GRM3: variants seen among roughly 807,000 people sequenced by gnomAD.
GRM3 encodes the protein metabotropic glutamate receptor 3.
GRM3 carries 26 observed loss-of-function variants against 70.5 expected under a neutral mutation model. The observed-to-expected ratio is 0.37, with a 90% CI of 0.27 to 0.51. The LOEUF (loss-of-function observed/expected upper bound fraction) is 0.51, where lower values mean the gene tolerates loss of function less well. Ranked by LOEUF, GRM3 falls within the 20% of genes least tolerant of loss-of-function variation. The pLI is 0.93. For missense variants in GRM3, 859 were observed against 1,123.8 expected (o/e 0.76, Z 3.37); for synonymous variants, 443 against 434.9 (o/e 1.02, Z -0.23).
At chr7:86,647,743 G>T (rs1013598007) in intron 1 of GRM3, among the ~76,000 whole-genome samples, 7 of 152,146 alleles carry the variant, frequency 4.6e-5, no homozygotes, top group Non-Finnish European at 1.0e-4. Flanking sequence ...CACATAAAAT[G>T]AGTATCATCA....
At chr7:86,689,490 T>C (rs1462765193) in intron 1 of GRM3, among the ~76,000 whole-genome samples, 1 of 152,116 alleles carries the variant, frequency 6.6e-6, no homozygotes, top group East Asian at 1.9e-4. Flanking sequence ...TTATGTCTCT[T>C]TATTCTCAAG....
intron 1 of GRM3, among the ~76,000 whole-genome samples, chr7:86,764,691 T>C (rs539744395): frequency 5.9e-5 from 9 of 152,014 alleles, no homozygotes; most frequent in Admixed American, 2.6e-4. Flanking sequence ...GTACTGGACT[T>C]GGCTTTCAAA....
At chr7:86,850,347 T>C in intron 4 of GRM3, 23 bp from the exon 5 acceptor site, 2 of 1,593,822 alleles carry the variant, frequency 1.3e-6, no homozygotes, top group Non-Finnish European at 1.7e-6. Flanking sequence ...GCCAGACACT[T>C]ACTAGCCAAC....
intron 1 of GRM3, among the ~76,000 whole-genome samples, chr7:86,691,686 T>C (rs1411200540): frequency 6.6e-6 from 1 of 152,168 alleles, no homozygotes; most frequent in East Asian, 1.9e-4. Context: ...GGGAGTAGAT[T>C]TGTTATCACA....
intron 1 of GRM3, among the ~76,000 whole-genome samples, chr7:86,657,987 T>C (rs1793790098): frequency 6.6e-6 from 1 of 152,206 alleles, no homozygotes; most frequent in South Asian, 2.1e-4. Flanking sequence ...TTTTCATGAA[T>C]TTGGGTTACA....
chr7:86,711,126 C>A (rs774317488), intron 1 of GRM3, among the ~76,000 whole-genome samples: 1 of 151,860 alleles, frequency 6.6e-6, no homozygotes, highest in African/African-American at 2.4e-5. Context: ...AAATATATTT[C>A]TTGTAGTAGG....
At chr7:86,700,642 A>G (rs1794926597) in intron 1 of GRM3, among the ~76,000 whole-genome samples, 1 of 151,948 alleles carries the variant, frequency 6.6e-6, no homozygotes, top group Non-Finnish European at 1.5e-5. Flanking sequence ...TTATGTCCCA[A>G]TATCTTTACA....
chr7:86,721,352 A>T (rs550383595), intron 1 of GRM3, among the ~76,000 whole-genome samples: 20 of 152,186 alleles, frequency 1.3e-4, no homozygotes, highest in African/African-American at 4.3e-4. Flanking sequence ...AAAAAGCAAG[A>T]AAGTCATTCA....
rs767907216 is a variant in GRM3 at position 86,690,083 on chromosome 7, C to A, written c.-141+45211C>A. 3.2e-4 allele frequency among the ~76,000 whole-genome samples: 48 copies of A among 152,160 alleles called. 1 individual carries two copies. The highest frequency in any genetic ancestry group is 4.6e-4 in the Non-Finnish European group (31 of 67,998). ...AAATAGAAGGATAAAAAAGTTTCCA[C>A]GACAAACAATGACAGGCAAGGGGCC... is the stretch of plus-strand genomic sequence containing the variant. On this transcript the variant is annotated intron_variant, in intron 1 of 5. Transcript: ENST00000361669.
chr7:86,732,410 G>C (rs1039836577), intron 1 of GRM3, among the ~76,000 whole-genome samples: 1 of 137,578 alleles, frequency 7.3e-6, no homozygotes, highest in African/African-American at 3.1e-5. Context: ...CTGGAAAAAT[G>C]AACCTGGCTA....
intron 1 of GRM3, among the ~76,000 whole-genome samples, chr7:86,670,477 A>C (rs1197432279): frequency 6.6e-6 from 1 of 152,170 alleles, no homozygotes; most frequent in East Asian, 1.9e-4. Context: ...ATGACCTTGG[A>C]AAGCCAAAAG....
At chr7:86,762,504 T>A (rs1464985853) in intron 1 of GRM3, among the ~76,000 whole-genome samples, 1 of 152,202 alleles carries the variant, frequency 6.6e-6, no homozygotes, top group African/African-American at 2.4e-5. Flanking sequence ...AACACTGGAC[T>A]AGCTCCTGTC....
At chr7:86,750,495 AG>A (rs2116357654) in intron 1 of GRM3, among the ~76,000 whole-genome samples, 1 of 152,164 alleles carries the variant, frequency 6.6e-6, no homozygotes, top group African/African-American at 2.4e-5. Flanking sequence ...GAAAAGAAAA[AG>A]CATGAGGAGT....
intron 1 of GRM3, among the ~76,000 whole-genome samples, chr7:86,647,742 T>C (rs1793509632): frequency 1.3e-5 from 2 of 152,214 alleles, no homozygotes. Flanking sequence ...ACACATAAAA[T>C]GAGTATCATC....
chr7:86,778,546 A>G (rs2116491202), intron 2 of GRM3, among the ~76,000 whole-genome samples: 1 of 152,272 alleles, frequency 6.6e-6, no homozygotes, highest in African/African-American at 2.4e-5. Flanking sequence ...GTAAATAAGG[A>G]ACTGATGTGG....
intron 1 of GRM3, among the ~76,000 whole-genome samples, chr7:86,714,291 T>C (rs1795264875): frequency 6.6e-6 from 1 of 152,014 alleles, no homozygotes; most frequent in African/African-American, 2.4e-5. Context: ...TATACACTTT[T>C]TCTGAATTTT....
At chr7:86,747,899 G>C (rs751378947) in intron 1 of GRM3, among the ~76,000 whole-genome samples, 11 of 152,068 alleles carry the variant, frequency 7.2e-5, no homozygotes, top group Admixed American at 1.3e-4. Flanking sequence ...TGTTAATTGT[G>C]ATTTCACACC....
intron 1 of GRM3, among the ~76,000 whole-genome samples, chr7:86,745,280 T>C (rs1215980164): frequency 6.6e-6 from 1 of 152,026 alleles, no homozygotes; most frequent in Non-Finnish European, 1.5e-5. Context: ...TATCTAATTA[T>C]TCATGGCCAT....
chr7:86,817,131 AG>A, intron 3 of GRM3, among the ~76,000 whole-genome samples: 1 of 151,946 alleles, frequency 6.6e-6, no homozygotes, highest in Non-Finnish European at 1.5e-5. Flanking sequence ...AAGCTTGTCA[AG>A]GTGTAGATCA....
Sources: allele counts gnomAD v4.1 joint callset (sites outside exome capture counted in the v4.1 genomes callset), GRCh38; gene constraint gnomAD v4.1.1; transcripts MANE v1.5; gene names NCBI Gene and HGNC (gene_info 2026-07-23, HGNC 2026-07-21).